Variants in LINGO1 observed in about 807,000 individuals in gnomAD.
LINGO1 encodes the protein leucine rich repeat and Ig domain containing 1, also known as leucine-rich repeat and immunoglobulin-like domain-containing nogo receptor-interacting protein 1.
Under a neutral mutation model 37.3 loss-of-function variants are expected in LINGO1, and 11 were observed. The observed-to-expected ratio is 0.29, with a 90% CI of 0.19 to 0.49. The LOEUF is 0.49. Among genes scored for constraint, LINGO1 ranks in the 20% least tolerant of loss-of-function variants. LINGO1 has a pLI of 0.99. For synonymous variants in LINGO1, 387 were observed against 403.0 expected (o/e 0.96, Z 0.48); for missense variants, 585 against 878.2 (o/e 0.67, Z 4.22).
chr15:77,621,564 G>A (rs2073919748), intron 1 of LINGO1, among the ~76,000 whole-genome samples: 2 of 151,934 alleles, frequency 1.3e-5, no homozygotes, highest in South Asian at 4.1e-4. Context: ...AGACTCTGCA[G>A]GCCAGGCCAG....
chr15:77,760,065 C>CT (rs1214685663), intron 1 of LINGO1, among the ~76,000 whole-genome samples: 3 of 152,286 alleles, frequency 2.0e-5, no homozygotes, highest in South Asian at 2.1e-4. Context: ...AAGGAGGCGG[C>CT]TTTTTTTTCC....
Position 77,632,268 on chromosome 15 carries a change from G to C in LINGO1, c.6+42C>G, listed in dbSNP as rs1428284139. 7 of 1,374,968 alleles carry C rather than the reference G, an allele frequency of 5.1e-6. No homozygotes were observed. Among genetic ancestry groups the C allele is most frequent in the Non-Finnish European group, 1.9e-6 (2 of 1,068,786 alleles). 85.2% of individuals were successfully genotyped at this position (1,374,968 alleles called of 1,614,324 possible). A position where few individuals can be genotyped will look rare whatever the true frequency, so the allele number is the denominator to read the frequency against. Reference sequence around the variant, plus strand: ...GGCGGCCCCCAGGGGCACTCGCCGCGGGGCTGCCCGCTCGGGGCTCGGCCG... The same window carrying C: ...GGCGGCCCCCAGGGGCACTCGCCGCCGGGCTGCCCGCTCGGGGCTCGGCCG... On this transcript the variant is annotated intron_variant, in intron 1 of 1. Coordinates refer to ENST00000355300, the MANE Select transcript of LINGO1 (RefSeq NM_032808.7). This position sits in a 1 kb window ranked among gnomAD's most constrained non-coding sequence, Gnocchi z 6.0.
intron 2 of LINGO1, among the ~76,000 whole-genome samples, chr15:77,721,119 TC>T (rs1257906204): frequency 6.6e-6 from 1 of 152,066 alleles, no homozygotes; most frequent in African/African-American, 2.4e-5. Flanking sequence ...CAAGGTCGTT[TC>T]CTCCTGTGAC....
intron 1 of LINGO1, among the ~76,000 whole-genome samples, chr15:77,760,829 C>G (rs1295828626): frequency 6.6e-6 from 1 of 151,580 alleles, no homozygotes; most frequent in African/African-American, 2.4e-5. Flanking sequence ...GGACTCACCA[C>G]TGGGCCCAAA....
At chr15:77,702,465 T>G (rs753522357) in intron 2 of LINGO1, among the ~76,000 whole-genome samples, 5 of 152,058 alleles carry the variant, frequency 3.3e-5, no homozygotes, top group Admixed American at 6.5e-5. Flanking sequence ...GGGAGGAGGC[T>G]TTGCCTCCTT....
chr15:77,741,752 G>A (rs1305672355), intron 1 of LINGO1, among the ~76,000 whole-genome samples: 1 of 152,258 alleles, frequency 6.6e-6, no homozygotes, highest in Non-Finnish European at 1.5e-5. Context: ...ACAGTTGGAG[G>A]TAAAGGAAGC....
intron 1 of LINGO1, among the ~76,000 whole-genome samples, chr15:77,776,603 A>G (rs2076658020): frequency 6.6e-6 from 1 of 151,414 alleles, no homozygotes; most frequent in African/African-American, 2.4e-5. Context: ...GCAATATAAC[A>G]GGCCCTTTGC....
rs371662751 is a variant in LINGO1, at chr15:77,738,735, A to G, written c.-256-3682T>C. ...GTGCTTGGCACCCAGGAGACAGTCA[A>G]TACATATTTGCTGAAGGAAGGAAGG... On this transcript the variant is annotated intron_variant, in intron 1 of 3. Coordinates refer to the LINGO1 transcript ENST00000561686. Among the ~76,000 whole-genome samples the G allele has an allele frequency of 1.6e-4, 22 of 139,142 alleles. No homozygotes were observed. In the East Asian group the frequency reaches 4.0e-3, roughly 25 times the overall value. 91.3% of individuals were successfully genotyped at this position (139,142 alleles called of 152,430 possible). A position where few individuals can be genotyped will look rare whatever the true frequency, so the allele number is the denominator to read the frequency against.
chr15:77,752,475 C>G (rs766116186), intron 1 of LINGO1, among the ~76,000 whole-genome samples: 2 of 152,238 alleles, frequency 1.3e-5, no homozygotes, highest in Non-Finnish European at 2.9e-5. Context: ...GAGGCCTTCT[C>G]CGGCCCAGCC....
rs571674351 is a variant in LINGO1 at position 77,722,064 on chromosome 15, CAT to C, written c.-195+12926_-195+12927del. On this transcript the variant is annotated intron_variant, in intron 2 of 3. Transcript: ENST00000561686. ...ACCCCTCTCTGCACCTGCAGGGTGA[CAT>C]GTGTGTAGGTGACACCACGGACATA... Among the ~76,000 whole-genome samples the C allele has an allele frequency of 1.8e-4, 28 of 152,330 alleles. No homozygotes were observed. The East Asian group carries it at 1.9e-3, about 11-fold the overall frequency.
rs367638198 is a variant in LINGO1 at position 77,614,426 on chromosome 15, G to A, written c.1481C>T (p.Thr494Met). Residue 494 changes from threonine to methionine, a missense_variant, in exon 2 of 2, where the codon ACG (threonine) becomes ATG (methionine). This residue lies in a region of LINGO1 where 484 missense variants were observed against 735.0 expected (regional missense o/e 0.66). Transcript: ENST00000355300. ...VRYAQVQDNG[T>M]YLCIAANAGG... ...CGCGTTGGCCGCGATGCACAGGTAC[G>A]TGCCGTTGTCCTGTACCTGGGCGTA... 25 of 1,612,104 alleles carry A rather than the reference G, an allele frequency of 1.6e-5. No homozygotes were observed. The highest frequency in any genetic ancestry group is 1.1e-4 in the East Asian group (5 of 44,880).
chr15:77,664,178 C>CGT (rs1325743368), intron 3 of LINGO1, among the ~76,000 whole-genome samples: 2 of 134,066 alleles, frequency 1.5e-5, no homozygotes, highest in Non-Finnish European at 3.2e-5. Flanking sequence ...TGTGCGCGCG[C>CGT]GCATGCGTTT....
chr15:77,645,499 G>A (rs1227973263), intron 3 of LINGO1, among the ~76,000 whole-genome samples: 1 of 152,222 alleles, frequency 6.6e-6, no homozygotes, highest in Non-Finnish European at 1.5e-5. Context: ...AGAGCGAGGT[G>A]GACGTGCACG....
chr15:77,679,601 TAG>T (rs1567515980), intron 2 of LINGO1, among the ~76,000 whole-genome samples: 1 of 152,146 alleles, frequency 6.6e-6, no homozygotes, highest in East Asian at 1.9e-4. Context: ...AAAACTGACA[TAG>T]AGAGAGGCAA....
chr15:77,689,890 G>A lies in LINGO1; in HGVS notation c.-99+830C>T, dbSNP rs192162093. On this transcript the variant is annotated intron_variant, in intron 2 of 3. Transcript: ENST00000559893. ...CTGGAGGGGGAAGCAAGAAGGGGAA[G>A]GGAACAAGGATTTACTGAGAAACTG... is the stretch of plus-strand genomic sequence containing the variant. 3.4e-4 allele frequency among the ~76,000 whole-genome samples: 52 copies of A among 152,324 alleles called. No homozygotes were observed. The East Asian group carries it at 9.1e-3, about 27-fold the overall frequency.
At chr15:77,764,214 T>C (rs1252914620) in intron 1 of LINGO1, among the ~76,000 whole-genome samples, 1 of 152,238 alleles carries the variant, frequency 6.6e-6, no homozygotes, top group African/African-American at 2.4e-5. Context: ...GTCATCTCTC[T>C]GCCCCTTCCA....
intron 2 of LINGO1, among the ~76,000 whole-genome samples, chr15:77,734,135 C>A (rs1244976004): frequency 3.3e-5 from 5 of 152,122 alleles, no homozygotes; most frequent in Non-Finnish European, 7.4e-5. Flanking sequence ...GACAGCCACA[C>A]CCCTCCAGCC....
Position 77,752,024 on chromosome 15 carries a change from T to A in LINGO1, c.-256-16971A>T, listed in dbSNP as rs1051923842. 2.6e-5 allele frequency among the ~76,000 whole-genome samples: 4 copies of A among 152,358 alleles called. No homozygotes were observed. The East Asian group carries it at 7.7e-4, about 29-fold the overall frequency. On this transcript the variant is annotated intron_variant, in intron 1 of 3. Coordinates refer to the LINGO1 transcript ENST00000561686. ...GTGACTCGAAACCCAGAGAGTCAGCTGTGTCTTGCCCAAGGCCATGAGGCC... is the reference window on the plus strand; with the variant it reads ...GTGACTCGAAACCCAGAGAGTCAGCAGTGTCTTGCCCAAGGCCATGAGGCC...
At chr15:77,688,587 C>A (rs1410885907) in intron 2 of LINGO1, among the ~76,000 whole-genome samples, 1 of 152,098 alleles carries the variant, frequency 6.6e-6, no homozygotes, top group South Asian at 2.1e-4. Flanking sequence ...CTGGGGGAGA[C>A]CCTCCCACCC....
Sources: allele counts gnomAD v4.1 joint callset (sites outside exome capture counted in the v4.1 genomes callset), GRCh38; gene constraint gnomAD v4.1.1; regional missense constraint gnomAD v4.1.1; non-coding constraint Gnocchi (gnomAD v3.1); transcripts MANE v1.5; gene names NCBI Gene and HGNC (gene_info 2026-07-23, HGNC 2026-07-21).